Variants in CACNA2D3 observed in about 807,000 individuals in gnomAD.
CACNA2D3 encodes calcium voltage-gated channel auxiliary subunit alpha2delta 3, also known as voltage-dependent calcium channel subunit alpha-2/delta-3.
CACNA2D3 carries 60 observed loss-of-function variants against 160.6 expected under a neutral mutation model. That is an observed-to-expected ratio of 0.37 (90% CI 0.30 to 0.46). The LOEUF is 0.46. CACNA2D3 is among the 20% of genes least tolerant of loss of function. The probability of loss-of-function intolerance (pLI) is 1.00; values close to 1 mark genes in which losing one functional copy is unlikely to be tolerated. For missense variants in CACNA2D3, 1,205 were observed against 1,365.0 expected (o/e 0.88, Z 1.85); for synonymous variants, 558 against 492.9 (o/e 1.13, Z -1.75).
intron 2 of CACNA2D3, among the ~76,000 whole-genome samples, chr3:54,270,457 G>A (rs369805626): frequency 6.6e-6 from 1 of 152,138 alleles, no homozygotes; most frequent in Non-Finnish European, 1.5e-5. Flanking sequence ...AGATGTTGAC[G>A]GTCTTCATTC....
intron 9 of CACNA2D3, 52 bp downstream of exon 9, chr3:54,581,929 C>T: frequency 1.4e-6 from 2 of 1,460,192 alleles, no homozygotes; most frequent in Middle Eastern, 1.8e-4. Flanking sequence ...CTGTCTCCCT[C>T]ATAGTGATTG....
chr3:54,284,944 T>C (rs1702972328), intron 2 of CACNA2D3, among the ~76,000 whole-genome samples: 1 of 152,124 alleles, frequency 6.6e-6, no homozygotes, highest in South Asian at 2.1e-4. Flanking sequence ...AGTATATAAA[T>C]ATATACCTAC....
chr3:54,155,064 A>G (rs1366712320), intron 2 of CACNA2D3, among the ~76,000 whole-genome samples: 1 of 152,226 alleles, frequency 6.6e-6, no homozygotes, highest in African/African-American at 2.4e-5. Flanking sequence ...AGAGCATTAA[A>G]TCCTAGCTGG....
chr3:54,959,286 A>T (rs1331452522), intron 27 of CACNA2D3, among the ~76,000 whole-genome samples: 2 of 151,926 alleles, frequency 1.3e-5, no homozygotes, highest in Non-Finnish European at 1.5e-5. Flanking sequence ...CTCTGGAGGG[A>T]ATTTGAGTTT....
intron 12 of CACNA2D3, among the ~76,000 whole-genome samples, chr3:54,755,151 C>T (rs1030609305): frequency 5.3e-5 from 8 of 152,174 alleles, no homozygotes; most frequent in African/African-American, 1.9e-4. Context: ...TATATCTTTT[C>T]CGTTTGAGGC....
chr3:54,814,414 G>A (rs1262079536), intron 13 of CACNA2D3, among the ~76,000 whole-genome samples: 1 of 152,198 alleles, frequency 6.6e-6, no homozygotes, highest in East Asian at 1.9e-4. Flanking sequence ...GCAGGTATCT[G>A]GCTGGTCTGG....
Position 55,009,425 on chromosome 3 carries a change from T to G in CACNA2D3, c.2857T>G (p.Ser953Ala). The G allele has an allele frequency of 1.9e-6, 3 of 1,613,896 alleles. No homozygotes were observed. The highest frequency in any genetic ancestry group is 2.5e-6 in the Non-Finnish European group (3 of 1,179,782). ...VEFNLCSWWH[S>A]DMTAKAQKLK... ...ATTTAACCTCTGCAGTTGGTGGCAC[T>G]CCGATATGACAGCTAAAGGTGAGCA... Residue 953 changes from serine (S) to alanine (A), a missense_variant, in exon 34 of 38, where the codon TCC becomes GCC. This residue lies in a region of CACNA2D3 where 911 missense variants were observed against 1,002.2 expected (regional missense o/e 0.91). Transcript: ENST00000474759.
chr3:54,252,204 A>C (rs1053183273), intron 2 of CACNA2D3, among the ~76,000 whole-genome samples: 1 of 146,496 alleles, frequency 6.8e-6, no homozygotes, highest in African/African-American at 2.6e-5. Context: ...GTTTTCTTGC[A>C]GGATGGGCTA....
intron 36 of CACNA2D3, 75 bp from the exon 37 acceptor site, chr3:55,073,702 A>T (rs150441450): frequency 1.5e-6 from 2 of 1,355,126 alleles, no homozygotes; most frequent in African/African-American, 2.9e-5. Flanking sequence ...GAGAGTTGTC[A>T]TTGCCAAATT....
At chr3:54,971,491 T>G (rs1702275751) in intron 29 of CACNA2D3, among the ~76,000 whole-genome samples, 1 of 152,180 alleles carries the variant, frequency 6.6e-6, no homozygotes, top group South Asian at 2.1e-4. Flanking sequence ...TACAGATGGT[T>G]GGACGGGTGG....
chr3:54,893,378 G>A (rs1403453049), intron 25 of CACNA2D3, among the ~76,000 whole-genome samples: 2 of 151,852 alleles, frequency 1.3e-5, no homozygotes, highest in Non-Finnish European at 2.9e-5. Context: ...GACCCACAGA[G>A]TGGGTACTCA....
At chr3:54,190,569 C>G (rs1306886892) in intron 2 of CACNA2D3, among the ~76,000 whole-genome samples, 1 of 152,220 alleles carries the variant, frequency 6.6e-6, no homozygotes, top group African/African-American at 2.4e-5. Flanking sequence ...AAGCATGTCA[C>G]TATCAGAGTT....
intron 17 of CACNA2D3, among the ~76,000 whole-genome samples, chr3:54,863,264 A>G (rs910981351): frequency 2.6e-5 from 4 of 152,138 alleles, no homozygotes; most frequent in East Asian, 1.9e-4. Context: ...AAGTGCTCCA[A>G]CTCATCAGAG....
chr3:55,058,908 G>A (rs536368790), intron 35 of CACNA2D3, among the ~76,000 whole-genome samples: 11 of 152,068 alleles, frequency 7.2e-5, no homozygotes, highest in South Asian at 6.3e-4. Context: ...GGATTTAAAC[G>A]GTGTGATACT....
chr3:54,255,315 A>T (rs766251304), intron 2 of CACNA2D3, among the ~76,000 whole-genome samples: 1 of 152,184 alleles, frequency 6.6e-6, no homozygotes, highest in Non-Finnish European at 1.5e-5. Context: ...GCTTTGATAC[A>T]TCAGAGGGGG....
At chr3:54,300,696 A>G (rs9851393) in intron 2 of CACNA2D3, among the ~76,000 whole-genome samples, 62,263 of 152,082 alleles carry the variant, frequency 0.41, 13,578 homozygotes, top group Non-Finnish European at 0.48. Context: ...TGGATGATCA[A>G]TTGGGTCAGT....
intron 27 of CACNA2D3, among the ~76,000 whole-genome samples, chr3:54,945,082 T>C (rs1307727304): frequency 1.3e-5 from 2 of 152,162 alleles, no homozygotes; most frequent in Non-Finnish European, 2.9e-5. Flanking sequence ...GGCTATAAGC[T>C]TGTTTGTCAG....
chr3:54,506,480 C>T (rs527710333), intron 5 of CACNA2D3, among the ~76,000 whole-genome samples: 1 of 152,328 alleles, frequency 6.6e-6, no homozygotes, highest in South Asian at 2.1e-4. Context: ...ACTCTACCTG[C>T]TTTCTACAAT....
At chr3:54,800,009 A>G (rs1016300330) in intron 13 of CACNA2D3, among the ~76,000 whole-genome samples, 1 of 152,176 alleles carries the variant, frequency 6.6e-6, no homozygotes, top group African/African-American at 2.4e-5. Flanking sequence ...GACATGCATA[A>G]ATTATGAAAC....
Sources: allele counts gnomAD v4.1 joint callset (sites outside exome capture counted in the v4.1 genomes callset), GRCh38; gene constraint gnomAD v4.1.1; regional missense constraint gnomAD v4.1.1; transcripts MANE v1.5; gene names NCBI Gene and HGNC (gene_info 2026-07-23, HGNC 2026-07-21).